GLP2R: variants seen among roughly 807,000 people sequenced by gnomAD.
GLP2R encodes the protein glucagon like peptide 2 receptor, also known as glucagon-like peptide 2 receptor.
Under a neutral mutation model 68.2 loss-of-function variants are expected in GLP2R, and 59 were observed. The observed-to-expected ratio is 0.87, with a 90% CI of 0.70 to 1.07. The LOEUF is 1.07. GLP2R is among the 50% of genes least tolerant of loss of function. The probability of loss-of-function intolerance (pLI) is 0.00; values close to 1 mark genes in which losing one functional copy is unlikely to be tolerated. For missense variants in GLP2R, 548 were observed against 677.4 expected (o/e 0.81, Z 2.12); for synonymous variants, 270 against 265.4 (o/e 1.02, Z -0.17).
At chr17:9,859,269 T>G (rs1216015931) in intron 6 of GLP2R, among the ~76,000 whole-genome samples, 3 of 152,216 alleles carry the variant, frequency 2.0e-5, no homozygotes, top group African/African-American at 7.2e-5. Flanking sequence ...TGAACATTTT[T>G]TAGTTATTGA....
At chr17:9,867,646 A>G (rs1371838126) in intron 9 of GLP2R, among the ~76,000 whole-genome samples, 1 of 152,188 alleles carries the variant, frequency 6.6e-6, no homozygotes, top group African/African-American at 2.4e-5. Context: ...AGTCCTGCTC[A>G]AGGACAGCCT....
chr17:9,865,982 T>C (rs1597394868), intron 9 of GLP2R: 2 of 464,704 alleles, frequency 4.3e-6, no homozygotes, highest in South Asian at 1.6e-5. Context: ...TACAAGAAGA[T>C]AATCTGTCCT....
chr17:9,831,816 T>G (rs2066682606), intron 1 of GLP2R, among the ~76,000 whole-genome samples: 1 of 152,084 alleles, frequency 6.6e-6, no homozygotes, highest in South Asian at 2.1e-4. Flanking sequence ...AAGACAGGGT[T>G]GGACAGGAGA....
chr17:9,867,157 A>G (rs2067046363), intron 9 of GLP2R, among the ~76,000 whole-genome samples: 4 of 152,212 alleles, frequency 2.6e-5, no homozygotes, highest in Admixed American at 6.5e-5. Context: ...TTTGGGGAAC[A>G]TGGATCAGAG....
At chr17:9,856,742 T>C (rs1412857181) in intron 5 of GLP2R, among the ~76,000 whole-genome samples, 2 of 152,224 alleles carry the variant, frequency 1.3e-5, no homozygotes, top group Non-Finnish European at 2.9e-5. Flanking sequence ...TGCGACTTAC[T>C]GCTCTGGGAC....
At chr17:9,828,820 T>A (rs192898674) in intron 1 of GLP2R, among the ~76,000 whole-genome samples, 197 of 152,258 alleles carry the variant, frequency 1.3e-3, no homozygotes, top group African/African-American at 4.6e-3. Flanking sequence ...ACCCTTTCAG[T>A]CTGGTATTTT....
intron 10 of GLP2R, among the ~76,000 whole-genome samples, chr17:9,878,118 TC>T (rs1484638434): frequency 1.3e-5 from 2 of 152,094 alleles, no homozygotes; most frequent in Non-Finnish European, 2.9e-5. Flanking sequence ...AAATTCAGAC[TC>T]TTACAAGGGC....
chr17:9,843,740 A>G (rs1444593209), intron 4 of GLP2R, among the ~76,000 whole-genome samples: 2 of 152,208 alleles, frequency 1.3e-5, no homozygotes, highest in African/African-American at 4.8e-5. Context: ...GGCTGCACAA[A>G]GCGGAGGAAC....
Position 9,834,290 on chromosome 17 carries a change from T to C in GLP2R, c.277+396T>C, listed in dbSNP as rs142542275. ...CCATGCCCCACTGTAAGGAAACATA[T>C]GAAACCACATGTATGTGGATGTGGC... On this transcript the variant is annotated intron_variant, in intron 2 of 12. Transcript: ENST00000262441. 1.0e-3 allele frequency among the ~76,000 whole-genome samples: 158 copies of C among 152,180 alleles called. 1 individual carries two copies. The highest frequency in any genetic ancestry group is 3.7e-3 in the African/African-American group (152 of 41,522).
At chr17:9,887,389 G>A (rs926536583) in intron 11 of GLP2R, among the ~76,000 whole-genome samples, 4 of 152,170 alleles carry the variant, frequency 2.6e-5, no homozygotes, top group South Asian at 4.1e-4. Context: ...TTAGTCGGGC[G>A]TGGTGGCGTC....
intron 10 of GLP2R, among the ~76,000 whole-genome samples, chr17:9,876,838 C>T (rs190242008): frequency 1.1e-3 from 166 of 152,218 alleles, no homozygotes; most frequent in Non-Finnish European, 2.6e-4. Context: ...TATAAGCAAC[C>T]GAAAGGCAGG....
intron 9 of GLP2R, chr17:9,865,990 C>A (rs965760021): frequency 2.2e-6 from 1 of 459,000 alleles, no homozygotes; most frequent in Non-Finnish European, 4.5e-6. Flanking sequence ...GATAATCTGT[C>A]CTGAACAATA....
chr17:9,835,316 G>A (rs550518418), intron 2 of GLP2R, among the ~76,000 whole-genome samples: 3 of 152,250 alleles, frequency 2.0e-5, no homozygotes, highest in East Asian at 1.9e-4. Context: ...GGTGGGGAAT[G>A]ATGCTTGGCT....
rs564153008 is a variant in GLP2R, at chr17:9,888,121, C to T, written c.1326+148C>T. On this transcript the variant is annotated intron_variant, in intron 12 of 12. Coordinates refer to ENST00000262441, the MANE Select transcript of GLP2R (RefSeq NM_004246.3). ...GGGACAAATTTGTATTGTGAGCTTC[C>T]GGTACAGAGAGCAGGAGGCAGCTTA... The T allele has an allele frequency of 1.2e-4, 91 of 759,558 alleles. 2 individuals are homozygous for T. The highest frequency in any genetic ancestry group is 9.0e-4 in the South Asian group (64 of 70,760). 47.1% of individuals were successfully genotyped at this position (759,558 alleles called of 1,614,324 possible). A position where few individuals can be genotyped will look rare whatever the true frequency, so the allele number is the denominator to read the frequency against.
chr17:9,870,171 C>T (rs1439241329), intron 9 of GLP2R, among the ~76,000 whole-genome samples: 1 of 152,120 alleles, frequency 6.6e-6, no homozygotes, highest in African/African-American at 2.4e-5. Context: ...TAATTACAGG[C>T]TTAATCACTG....
At chr17:9,841,586 G>A (rs1284815095) in intron 3 of GLP2R, among the ~76,000 whole-genome samples, 2 of 152,294 alleles carry the variant, frequency 1.3e-5, no homozygotes, top group African/African-American at 2.4e-5. Flanking sequence ...TTGGAAGGAC[G>A]GGTTTGCCAT....
In GLP2R at chr17:9,880,429, C is replaced by T. The variant is rs868216529; in HGVS notation, c.1197C>T (p.Ile399=). ...VLIPLLGVHE[I]LFSFITDDQV... ...TTCCTTTATTGGGCGTTCATGAGAT[C>T]CTCTTCTCTTTCATCACTGATGATC... The change falls in exon 11 of 13, where the codon ATC becomes ATT. Residue 399 remains isoleucine, a synonymous_variant. Coordinates refer to ENST00000262441, the MANE Select transcript of GLP2R (RefSeq NM_004246.3). The T allele has an allele frequency of 5.6e-6, 9 of 1,601,058 alleles. No homozygotes were observed. Among genetic ancestry groups the T allele is most frequent in the Non-Finnish European group, 7.7e-6 (9 of 1,169,830 alleles).
rs2066945498 is a variant in GLP2R, at chr17:9,857,554, G to A, written c.743G>A (p.Gly248Glu). Residue 248 changes from glycine to glutamate, a missense_variant, in exon 6 of 13, where the codon GGG becomes GAG. Physicochemically the swap from Gly to Glu is moderately conservative, Grantham distance 98 (BLOSUM62 -2). Coordinates refer to ENST00000262441, the MANE Select transcript of GLP2R (RefSeq NM_004246.3). ...TCCAAGAGGCCTGACAATGAGAATG[G>A]GTGGATGTCCTACCTGTCAGAGGTA... ...SYSKRPDNEN[G>E]WMSYLSEMST... 6.2e-7 allele frequency: 1 copy of A among 1,614,162 alleles called. No individual in the cohort carries two copies. The highest frequency in any genetic ancestry group is 8.5e-7 in the Non-Finnish European group (1 of 1,180,018).
chr17:9,826,911 G>T (rs1045054187), intron 1 of GLP2R, among the ~76,000 whole-genome samples: 1 of 151,928 alleles, frequency 6.6e-6, no homozygotes, highest in Non-Finnish European at 1.5e-5. Context: ...TCGCTCTGTC[G>T]CCCAGGCTGA....
Sources: allele counts gnomAD v4.1 joint callset (sites outside exome capture counted in the v4.1 genomes callset), GRCh38; gene constraint gnomAD v4.1.1; transcripts MANE v1.5; gene names NCBI Gene and HGNC (gene_info 2026-07-23, HGNC 2026-07-21).